The following NDUFA11 variants were observed in gnomAD, a reference collection of about 807,000 sequenced individuals.
The protein encoded by NDUFA11 is NADH dehydrogenase [ubiquinone] 1 alpha subcomplex subunit 11.
In NDUFA11, 14 loss-of-function variants were observed where a neutral mutation model predicts 11.3. The ratio of observed to expected loss-of-function variants is 1.24; its 90% CI spans 0.82 to 1.94. The LOEUF (loss-of-function observed/expected upper bound fraction) is 1.94, where lower values mean the gene tolerates loss of function less well. Among genes scored for constraint, NDUFA11 ranks in the 30% most tolerant of loss-of-function variants. The pLI, the probability that NDUFA11 is intolerant of heterozygous loss-of-function variation, is 0.00. For synonymous variants in NDUFA11, 87 were observed against 85.6 expected, an observed-to-expected ratio of 1.02 and a Z score of -0.09; for missense variants, 204 against 200.3, an observed-to-expected ratio of 1.02 and a Z score of -0.11.
At chr19:5,893,735 A>C (rs942539012), downstream of NDUFA11, among the ~76,000 whole-genome samples, 4 of 152,126 alleles carry the variant, frequency 2.6e-5, no homozygotes, top group Non-Finnish European at 5.9e-5. The surrounding 1 kb of genome is among the most constrained non-coding windows in gnomAD (Gnocchi z 4.1). Context: ...TGGACAGAGA[A>C]GGATATGAGG....
downstream of NDUFA11, among the ~76,000 whole-genome samples, chr19:5,893,982 A>T (rs2057592307): frequency 1.3e-5 from 2 of 152,170 alleles, no homozygotes; most frequent in African/African-American, 4.8e-5. This position sits in a 1 kb window ranked among gnomAD's most constrained non-coding sequence, Gnocchi z 4.1. Context: ...GGGAGCTTGC[A>T]GGCTTCCTCT....
chr19:5,903,654 G>A lies in NDUFA11; in HGVS notation c.55C>T (p.His19Tyr). The A allele has an allele frequency of 6.4e-7, 1 of 1,551,516 alleles. No homozygotes were observed. Among genetic ancestry groups the A allele is most frequent in the Non-Finnish European group, 8.7e-7 (1 of 1,146,938 alleles). The change falls in exon 1 of 4, where the codon CAC (histidine) becomes TAC (tyrosine). Residue 19 changes from histidine to tyrosine, a missense_variant. Coordinates refer to ENST00000308961, the MANE Select transcript of NDUFA11 (RefSeq NM_175614.5). ...YWDIPDGTDC[H>Y]RKAYSTTSIA... ...CTGGTGGTGCTGTAGGCTTTGCGGT[G>A]GCAATCGGTGCCATCGGGGATATCC...
rs868491028 is a variant in NDUFA11 at position 5,896,567 on chromosome 19, C to T, written c.199G>A (p.Gly67Arg). 12 of 1,565,756 alleles carry T rather than the reference C, an allele frequency of 7.7e-6. No homozygotes were observed. The highest frequency in any genetic ancestry group is 1.9e-5 in the Admixed American group (1 of 52,316). Residue 67 changes from glycine (G) to arginine (R), a missense_variant, in exon 3 of 4, where the codon GGG (glycine) becomes AGG (arginine). Transcript: ENST00000308961. The surrounding 1 kb of genome is among the most constrained non-coding windows in gnomAD (Gnocchi z 5.8). ...GQYTFTAAAV[G>R]AVFGLTTCIS... ...CAGGTGGTGAGGCCAAACACGGCCC[C>T]GACAGCAGCTGCGGGGTAGACGGGA... is the stretch of plus-strand genomic sequence containing the variant.
chr19:5,900,901 A>C (rs1599696178), intron 1 of NDUFA11, among the ~76,000 whole-genome samples: 1 of 142,036 alleles, frequency 7.0e-6, no homozygotes, highest in Non-Finnish European at 1.5e-5. Context: ...ACAGAATGAG[A>C]CTCCGTCTCA....
At chr19:5,897,511 G>A (rs1218305951) in intron 1 of NDUFA11, among the ~76,000 whole-genome samples, 2 of 152,026 alleles carry the variant, frequency 1.3e-5, no homozygotes, top group African/African-American at 4.8e-5. Context: ...CCCCTTGGCA[G>A]TGGCTCTGCT....
intron 1 of NDUFA11, among the ~76,000 whole-genome samples, chr19:5,899,151 T>C (rs2057628854): frequency 6.7e-6 from 1 of 150,312 alleles, no homozygotes; most frequent in South Asian, 2.1e-4. Context: ...GAAGATTCTT[T>C]TTTTTTTTTT....
At position 5,896,562 on chromosome 19, in the gene NDUFA11, G is replaced by C. The variant is rs759289907; in HGVS notation, c.204C>G (p.Ala68=). ...QYTFTAAAVG[A]VFGLTTCISA... ...TGATGCAGGTGGTGAGGCCAAACAC[G>C]GCCCCGACAGCAGCTGCGGGGTAGA... Residue 68 remains alanine (A), a synonymous_variant, in exon 3 of 4, where the codon GCC becomes GCG. Coordinates refer to ENST00000308961, the MANE Select transcript of NDUFA11 (RefSeq NM_175614.5). The surrounding 1 kb of genome is among the most constrained non-coding windows in gnomAD (Gnocchi z 5.8). 6.4e-6 allele frequency: 10 copies of C among 1,565,980 alleles called. No homozygotes were observed. The highest frequency in any genetic ancestry group is 8.7e-6 in the Non-Finnish European group (10 of 1,156,060).
At chr19:5,895,049 G>T in intron 3 of NDUFA11, 195 bp from the exon 4 acceptor site, 1 of 671,592 alleles carries the variant, frequency 1.5e-6, no homozygotes, top group Non-Finnish European at 2.4e-6. Flanking sequence ...GGAGGCCGGA[G>T]TCCAGGTTGC....
intron 1 of NDUFA11, among the ~76,000 whole-genome samples, chr19:5,903,268 C>G (rs986526381): frequency 3.3e-5 from 5 of 152,112 alleles, no homozygotes; most frequent in African/African-American, 1.2e-4. Flanking sequence ...CAATCTCTAC[C>G]CCGTTGGAAA....
At chr19:5,895,044 C>T in intron 3 of NDUFA11, 190 bp from the exon 4 acceptor site, 1 of 690,340 alleles carries the variant, frequency 1.4e-6, no homozygotes, top group Non-Finnish European at 2.4e-6. Context: ...CAGAGGGAGG[C>T]CGGAGTCCAG....
At chr19:5,893,406 A>G, downstream of NDUFA11, 3 of 591,238 alleles carry the variant, frequency 5.1e-6, no homozygotes, top group South Asian at 4.1e-5. This position sits in a 1 kb window ranked among gnomAD's most constrained non-coding sequence, Gnocchi z 4.1. Context: ...TCAAGGTTCC[A>G]GTGAGCCATG....
chr19:5,902,318 C>G (rs2057651249), intron 1 of NDUFA11: 1 of 152,282 alleles, frequency 6.6e-6, no homozygotes, highest in Non-Finnish European at 1.5e-5. Flanking sequence ...GGCTGGGGTG[C>G]AGTGGTGCAA....
chr19:5,901,533 C>A, intron 1 of NDUFA11: 2 of 1,177,914 alleles, frequency 1.7e-6, no homozygotes, highest in South Asian at 1.3e-5. Flanking sequence ...ATTAGGTCTG[C>A]CCTAATTCAA....
chr19:5,897,255 T>C (rs2057616198), intron 1 of NDUFA11, among the ~76,000 whole-genome samples: 1 of 152,162 alleles, frequency 6.6e-6, no homozygotes, highest in Non-Finnish European at 1.5e-5. Context: ...CAGTACTGGC[T>C]CCTGCAGAGC....
chr19:5,897,968 C>G (rs1311892912), intron 1 of NDUFA11, among the ~76,000 whole-genome samples: 1 of 152,246 alleles, frequency 6.6e-6, no homozygotes, highest in African/African-American at 2.4e-5. Flanking sequence ...AAGCACCCCC[C>G]TCTCCCTACA....
chr19:5,897,408 C>T (rs780055205), intron 1 of NDUFA11, among the ~76,000 whole-genome samples: 2 of 152,154 alleles, frequency 1.3e-5, no homozygotes, highest in Non-Finnish European at 2.9e-5. Context: ...AGCTCAGCGG[C>T]GCCCCCCACG....
chr19:5,895,169 G>T, intron 3 of NDUFA11: 1 of 397,288 alleles, frequency 2.5e-6, no homozygotes, highest in South Asian at 3.0e-5. Context: ...TGGGCACCGG[G>T]CCATGGTGAC....
At chr19:5,894,217 G>A (rs1206037634), downstream of NDUFA11, among the ~76,000 whole-genome samples, 1 of 152,244 alleles carries the variant, frequency 6.6e-6, no homozygotes, top group African/African-American at 2.4e-5. Context: ...GGACCAGCCT[G>A]TCCGGGGCTC....
In NDUFA11 at chr19:5,899,451, CTTTTTTTTTTTTTTT is replaced by C. The variant is rs71172780; in HGVS notation, c.98-2469_98-2455del. 7.3e-5 allele frequency among the ~76,000 whole-genome samples: 5 copies of C among 68,836 alleles called. No individual in the cohort carries two copies. The East Asian group carries it at 1.8e-3, about 25-fold the overall frequency. The allele number at this position is 68,836 out of a possible 152,430, so 45.2% of individuals were successfully genotyped here. ...AGGCGTGAGCCACCGCGCCCGGACT[CTTTTTTTTTTTTTTT>C]TTTTTTTTGAGACAGTCTTGCTCTG... is the stretch of plus-strand genomic sequence containing the variant. On this transcript the variant is annotated intron_variant, in intron 1 of 3. Transcript: ENST00000308961.
Sources: allele counts gnomAD v4.1 joint callset (sites outside exome capture counted in the v4.1 genomes callset), GRCh38; gene constraint gnomAD v4.1.1; non-coding constraint Gnocchi (gnomAD v3.1); transcripts MANE v1.5; gene names NCBI Gene and HGNC (gene_info 2026-07-23, HGNC 2026-07-21).